GSPT1: variants seen among roughly 807,000 people sequenced by gnomAD.
The protein encoded by GSPT1 is eukaryotic peptide chain release factor GTP-binding subunit ERF3A.
In GSPT1, 20 loss-of-function variants were observed where a neutral mutation model predicts 72.5. The observed-to-expected ratio is 0.28, with a 90% CI of 0.19 to 0.40. The LOEUF (loss-of-function observed/expected upper bound fraction) is 0.40. GSPT1 is among the 10% of genes least tolerant of loss of function. The pLI, the probability that GSPT1 is intolerant of heterozygous loss-of-function variation, is 1.00. For synonymous variants in GSPT1, 334 were observed against 293.5 expected (o/e 1.14, Z -1.41); for missense variants, 580 against 811.9 (o/e 0.71, Z 3.47).
intron 14 of GSPT1, among the ~76,000 whole-genome samples, chr16:11,873,456 G>A (rs1264183663): frequency 1.3e-5 from 2 of 152,002 alleles, no homozygotes; most frequent in South Asian, 2.1e-4. Flanking sequence ...AGATACAGAT[G>A]CCTGCCACCA....
At chr16:11,895,683 G>A (rs550314995) in intron 4 of GSPT1, 1 of 151,932 alleles carries the variant, frequency 6.6e-6, no homozygotes, top group East Asian at 2.0e-4. Flanking sequence ...CTGGAGTGCA[G>A]TGGTGCGATC....
intron 1 of GSPT1, among the ~76,000 whole-genome samples, chr16:11,900,793 C>G (rs1181029049): frequency 6.6e-6 from 1 of 152,120 alleles, no homozygotes; most frequent in African/African-American, 2.4e-5. Context: ...ACAGTACTTA[C>G]ACCTGACCAC....
intron 6 of GSPT1, among the ~76,000 whole-genome samples, chr16:11,889,329 CTTTTT>C (rs902991145): frequency 3.3e-5 from 2 of 60,040 alleles, no homozygotes; most frequent in East Asian, 4.8e-4. Context: ...CCCTCTTCTT[CTTTTT>C]TTTTTTTTTT....
intron 1 of GSPT1, among the ~76,000 whole-genome samples, chr16:11,898,292 TGA>T (rs2054364707): frequency 6.6e-6 from 1 of 152,344 alleles, no homozygotes; most frequent in South Asian, 2.1e-4. Flanking sequence ...CTTATTCTTT[TGA>T]TTTGCTTTAT....
chr16:11,888,089 A>G (rs1456124701), intron 6 of GSPT1, among the ~76,000 whole-genome samples: 1 of 152,092 alleles, frequency 6.6e-6, no homozygotes, highest in Non-Finnish European at 1.5e-5. Flanking sequence ...TGGGAGGAGG[A>G]GGTTGCAGCG....
intron 5 of GSPT1, among the ~76,000 whole-genome samples, chr16:11,891,532 T>C (rs1314770117): frequency 1.3e-5 from 2 of 151,554 alleles, no homozygotes; most frequent in Admixed American, 6.6e-5. Context: ...CGGCTAATTT[T>C]TGTACTTGTA....
chr16:11,873,131 TG>T lies in GSPT1; in HGVS notation c.1901del (p.Pro634GlnfsTer19). 6.3e-7 allele frequency: 1 copy of T among 1,597,956 alleles called. No individual in the cohort carries two copies. Among genetic ancestry groups the T allele is most frequent in the Non-Finnish European group, 8.6e-7 (1 of 1,165,624 alleles). On this transcript the variant is annotated frameshift_variant, in exon 15 of 15. Transcript: ENST00000434724. LOFTEE classifies it high-confidence loss of function. ...ATCAAGAAAATGCTTAGTCTTTCTC[TG>T]GAACCAGTTTCAGAACTTTTCCAAT... ...IAIGKVLKLV[P>X]EKD
intron 1 of GSPT1, among the ~76,000 whole-genome samples, chr16:11,912,019 C>T (rs1282781252): frequency 7.2e-6 from 1 of 139,172 alleles, no homozygotes; most frequent in African/African-American, 2.7e-5. Flanking sequence ...GTGAATTTTA[C>T]AGTGTGTAAG....
chr16:11,899,279 G>T (rs1205755179), intron 1 of GSPT1, among the ~76,000 whole-genome samples: 1 of 152,108 alleles, frequency 6.6e-6, no homozygotes, highest in Non-Finnish European at 1.5e-5. Context: ...ATCAAATGTT[G>T]AGTAAAGTAA....
In GSPT1 at chr16:11,881,655, C is replaced by CTTTTTTTTTTTTTTTTTTT. The variant is rs140995097; in HGVS notation, c.1428+1359_1428+1360insAAAAAAAAAAAAAAAAAAA. On this transcript the variant is annotated intron_variant, in intron 11 of 14. Transcript: ENST00000434724. ...ACCAAGCTGCCTTACACTTCCATAG[C>CTTTTTTTTTTTTTTTTTTT]TTTTTTTTTTTTTTTTTTAGTAAAG... is the stretch of plus-strand genomic sequence containing the variant. The CTTTTTTTTTTTTTTTTTTT allele has an allele frequency of 1.3e-4, 12 of 92,750 alleles. 1 individual carries two copies. The highest frequency in any genetic ancestry group is 3.5e-4 in the African/African-American group (9 of 25,530). 5.7% of individuals were successfully genotyped at this position (92,750 alleles called of 1,614,324 possible). A position where few individuals can be genotyped will look rare whatever the true frequency, so the allele number is the denominator to read the frequency against.
chr16:11,888,719 G>A (rs1002102960), intron 6 of GSPT1, among the ~76,000 whole-genome samples: 24 of 152,050 alleles, frequency 1.6e-4, no homozygotes, highest in Non-Finnish European at 7.4e-5. Context: ...CTGAGATCGC[G>A]CCACTGCACT....
chr16:11,875,273 G>A (rs746406923), intron 14 of GSPT1, among the ~76,000 whole-genome samples: 10 of 152,090 alleles, frequency 6.6e-5, no homozygotes, highest in Admixed American at 4.6e-4. Flanking sequence ...ATAAGGAAAC[G>A]TTTCATAACA....
Position 11,915,741 on chromosome 16 carries a change from T to G in GSPT1, c.-21A>C, listed in dbSNP as rs1184208099. The G allele has an allele frequency of 1.3e-6, 2 of 1,535,282 alleles. No homozygotes were observed. The highest frequency in any genetic ancestry group is 1.2e-5 in the South Asian group (1 of 85,748). ...TCCATGATCGGGGGGGCCGTGTGTG[T>G]GGTGGACAGAGAGCGGGAAATGGAG... On this transcript the variant is annotated 5_prime_UTR_variant, in exon 1 of 15. Transcript: ENST00000434724.
intron 1 of GSPT1, among the ~76,000 whole-genome samples, chr16:11,904,370 T>C (rs1307763248): frequency 6.6e-6 from 1 of 151,880 alleles, no homozygotes; most frequent in Non-Finnish European, 1.5e-5. Context: ...GCCTGGGTAA[T>C]TTTTTGTATT....
At chr16:11,901,444 T>G (rs1378990273) in intron 1 of GSPT1, among the ~76,000 whole-genome samples, 3 of 152,178 alleles carry the variant, frequency 2.0e-5, no homozygotes, top group African/African-American at 4.8e-5. Flanking sequence ...TCCAGTGTTA[T>G]CTCTATGTTT....
At chr16:11,909,454 C>T (rs1374303955) in intron 1 of GSPT1, among the ~76,000 whole-genome samples, 19 of 152,134 alleles carry the variant, frequency 1.2e-4, no homozygotes, top group Admixed American at 1.2e-3. Context: ...TAGCCAAATT[C>T]TTGTCTCCCG....
intron 1 of GSPT1, chr16:11,904,064 TC>T (rs2054453125): frequency 4.4e-6 from 1 of 228,680 alleles, no homozygotes; most frequent in Non-Finnish European, 9.9e-6. Context: ...CCATGAATGC[TC>T]CAAACATTGA....
At chr16:11,878,348 C>T (rs1364031843) in intron 11 of GSPT1, among the ~76,000 whole-genome samples, 2 of 152,088 alleles carry the variant, frequency 1.3e-5, no homozygotes, top group African/African-American at 4.8e-5. Context: ...AACTCCTGAC[C>T]TCAGGTGATC....
In GSPT1 at chr16:11,868,488, T is replaced by C. The variant is rs527690833; in HGVS notation, c.*4631A>G. 1.3e-5 allele frequency: 2 copies of C among 152,166 alleles called. No homozygotes were observed. Among genetic ancestry groups the C allele is most frequent in the South Asian group, 2.1e-4 (1 of 4,816 alleles). The allele number at this position is 152,166 out of a possible 1,614,324, so 9.4% of individuals were successfully genotyped here. A position where few individuals can be genotyped will look rare whatever the true frequency, so the allele number is the denominator to read the frequency against. On this transcript the variant is annotated 3_prime_UTR_variant, in exon 15 of 15. Coordinates refer to ENST00000434724, the MANE Select transcript of GSPT1 (RefSeq NM_002094.4). ...CAAACAGAACTAATACCTGTGTACA[T>C]TTCTGAGAGCCTGATGTGTGAGTCC...
Sources: allele counts gnomAD v4.1 joint callset (sites outside exome capture counted in the v4.1 genomes callset), GRCh38; gene constraint gnomAD v4.1.1; transcripts MANE v1.5; gene names NCBI Gene and HGNC (gene_info 2026-07-23, HGNC 2026-07-21).